DOCK1: variants seen among roughly 807,000 people sequenced by gnomAD.
DOCK1 encodes the protein dedicator of cytokinesis protein 1.
Under a neutral mutation model 262.7 loss-of-function variants are expected in DOCK1, and 138 were observed. The ratio of observed to expected loss-of-function variants is 0.53; its 90% CI spans 0.46 to 0.61. The LOEUF is 0.61. DOCK1 is among the 20% of genes least tolerant of loss of function. DOCK1 has a pLI of 0.00. For missense variants in DOCK1, 1,908 were observed against 2,370.7 expected (o/e 0.80, Z 4.05); for synonymous variants, 866 against 867.4 (o/e 1.00, Z 0.03).
intron 32 of DOCK1, among the ~76,000 whole-genome samples, chr10:127,361,342 C>G (rs1475984577): frequency 1.3e-5 from 2 of 152,068 alleles, no homozygotes; most frequent in African/African-American, 2.4e-5. Context: ...TCTCGATCTC[C>G]TGACCTCGTG....
At chr10:127,063,578 C>A (rs1166020941) in intron 23 of DOCK1, among the ~76,000 whole-genome samples, 1 of 151,890 alleles carries the variant, frequency 6.6e-6, no homozygotes, top group East Asian at 1.9e-4. Flanking sequence ...TTGATATTGC[C>A]CAAAGCTGTC....
At chr10:127,268,347 A>G (rs1485840521) in intron 29 of DOCK1, among the ~76,000 whole-genome samples, 1 of 151,868 alleles carries the variant, frequency 6.6e-6, no homozygotes, top group Non-Finnish European at 1.5e-5. Context: ...AATACAAAAA[A>G]AAATCAGCCA....
chr10:127,205,208 A>G (rs533240559), intron 27 of DOCK1, among the ~76,000 whole-genome samples: 1 of 152,258 alleles, frequency 6.6e-6, no homozygotes, highest in South Asian at 2.1e-4. Context: ...CACCATGAAA[A>G]TGGTAGAGAA....
intron 12 of DOCK1, chr10:127,016,464 G>A (rs370066992): frequency 1.3e-4 from 20 of 152,284 alleles, no homozygotes; most frequent in African/African-American, 4.8e-4. Context: ...TCCCGTCAGG[G>A]ACAGCCGGAG....
intron 31 of DOCK1, among the ~76,000 whole-genome samples, chr10:127,347,395 C>T (rs984532490): frequency 5.3e-5 from 8 of 152,224 alleles, no homozygotes; most frequent in African/African-American, 1.9e-4. Context: ...AGCCCGGAGA[C>T]GGCCCGTGGG....
rs80245798 is a variant in DOCK1 at position 127,276,428 on chromosome 10, C to G, written c.3044+18999C>G. On this transcript the variant is annotated intron_variant, in intron 29 of 51. Coordinates refer to ENST00000623213, the MANE Select transcript of DOCK1 (RefSeq NM_001290223.2). ...TGGTCCTCTGTCTTTGAGTGCAGTT[C>G]TGTGATACTCAGATGTCTTCCAGAA... Among the ~76,000 whole-genome samples, 492 of 152,268 alleles carry G rather than the reference C, an allele frequency of 3.2e-3. 2 individuals are homozygous for G. Among genetic ancestry groups the G allele is most frequent in the African/African-American group, 0.01 (427 of 41,556 alleles).
intron 27 of DOCK1, among the ~76,000 whole-genome samples, chr10:127,191,483 C>T (rs182825968): frequency 1.3e-5 from 2 of 152,216 alleles, no homozygotes; most frequent in Non-Finnish European, 2.9e-5. Context: ...TTTAAGGATG[C>T]TAAAATCACT....
intron 27 of DOCK1, among the ~76,000 whole-genome samples, chr10:127,197,865 G>A (rs2057282726): frequency 6.6e-6 from 1 of 152,180 alleles, no homozygotes; most frequent in Admixed American, 6.5e-5. Context: ...GTATGTGGAT[G>A]CTTTGGGCAG....
At chr10:127,306,325 A>G (rs1229702847) in intron 29 of DOCK1, among the ~76,000 whole-genome samples, 2 of 152,058 alleles carry the variant, frequency 1.3e-5, no homozygotes, top group Non-Finnish European at 2.9e-5. Flanking sequence ...CATTTTATGC[A>G]TATTTGATTT....
intron 27 of DOCK1, among the ~76,000 whole-genome samples, chr10:127,240,889 G>A (rs1178979190): frequency 6.6e-6 from 1 of 152,146 alleles, no homozygotes; most frequent in Admixed American, 6.5e-5. Context: ...TTCCAAGTAT[G>A]TTATTATTTT....
intron 31 of DOCK1, among the ~76,000 whole-genome samples, chr10:127,351,359 T>C (rs1380663434): frequency 6.6e-6 from 1 of 152,094 alleles, no homozygotes; most frequent in Admixed American, 6.5e-5. Context: ...TCAGCTCTTA[T>C]TGAGAAAATG....
chr10:127,089,733 CTT>C (rs2047407216), intron 23 of DOCK1, among the ~76,000 whole-genome samples: 1 of 152,158 alleles, frequency 6.6e-6, no homozygotes, highest in African/African-American at 2.4e-5. Context: ...GGTGGATGCT[CTT>C]GTCTCCAGGA....
intron 31 of DOCK1, among the ~76,000 whole-genome samples, chr10:127,353,020 C>T (rs923906670): frequency 3.3e-5 from 5 of 152,178 alleles, no homozygotes; most frequent in South Asian, 2.1e-4. Flanking sequence ...GAGCATTTCA[C>T]CTCTGCTGGG....
intron 29 of DOCK1, among the ~76,000 whole-genome samples, chr10:127,301,256 G>A (rs921991205): frequency 3.3e-5 from 5 of 152,150 alleles, no homozygotes; most frequent in Non-Finnish European, 5.9e-5. Context: ...GGCCTGGATC[G>A]GAGGGTTAAT....
chr10:127,315,830 C>A (rs1424832218), intron 29 of DOCK1, among the ~76,000 whole-genome samples: 3 of 152,138 alleles, frequency 2.0e-5, no homozygotes, highest in Admixed American at 2.0e-4. Context: ...TACCGAGTAG[C>A]TGGGATTACA....
chr10:127,402,958 T>G (rs1251985398), intron 38 of DOCK1, 97 bp from the exon 39 acceptor site: 1 of 1,105,592 alleles, frequency 9.0e-7, no homozygotes, highest in Non-Finnish European at 1.3e-6. Context: ...TCAAATGTAC[T>G]TCTACACTGT....
At chr10:127,388,735 C>G (rs1419838948) in intron 38 of DOCK1, among the ~76,000 whole-genome samples, 1 of 152,028 alleles carries the variant, frequency 6.6e-6, no homozygotes, top group African/African-American at 2.4e-5. Context: ...GGCTTCTGCC[C>G]CAAAATGACA....
At chr10:127,235,350 C>T (rs987558604) in intron 27 of DOCK1, among the ~76,000 whole-genome samples, 1 of 40,804 alleles carries the variant, frequency 2.5e-5, no homozygotes, top group Non-Finnish European at 4.5e-5. Context: ...CTAGTACTGC[C>T]TTTTCTAGAA....
chr10:126,998,057 G>A (rs1308370143), intron 7 of DOCK1, 35 bp from the exon 8 acceptor site: 3 of 1,611,584 alleles, frequency 1.9e-6, no homozygotes, highest in Non-Finnish European at 2.5e-6. Flanking sequence ...GATGAGTGTT[G>A]CTGGGGTTGA....
Sources: allele counts gnomAD v4.1 joint callset (sites outside exome capture counted in the v4.1 genomes callset), GRCh38; gene constraint gnomAD v4.1.1; transcripts MANE v1.5; gene names NCBI Gene and HGNC (gene_info 2026-07-23, HGNC 2026-07-21).